The following INSR variants were observed in gnomAD, a reference collection of about 807,000 sequenced individuals.
INSR encodes insulin receptor, also known as IR.
A neutral mutation model predicts 142.6 loss-of-function variants in INSR; 67 were observed. The ratio of observed to expected loss-of-function variants is 0.47; its 90% CI spans 0.39 to 0.58. INSR has a LOEUF of 0.58. Among genes scored for constraint, INSR ranks in the 20% least tolerant of loss-of-function variants. The probability of loss-of-function intolerance (pLI) is 0.00; values close to 1 mark genes in which losing one functional copy is unlikely to be tolerated. For synonymous variants in INSR, 756 were observed against 743.1 expected, an observed-to-expected ratio of 1.02 and a Z score of -0.28; for missense variants, 1,248 against 1,833.2, an observed-to-expected ratio of 0.68 and a Z score of 5.83.
At chr19:7,162,510 C>CAA (rs34535970) in intron 9 of INSR, among the ~76,000 whole-genome samples, 22 of 118,178 alleles carry the variant, frequency 1.9e-4, no homozygotes, top group African/African-American at 6.5e-4. Context: ...GACCCTGTCT[C>CAA]AAAAAAAAAA....
At chr19:7,135,090 T>TA (rs5826960) in intron 13 of INSR, among the ~76,000 whole-genome samples, 58,690 of 78,348 alleles carry the variant, frequency 0.75, 22,996 homozygotes, top group Non-Finnish European at 0.86. Flanking sequence ...AAAGAAATGT[T>TA]AAAAAAAAAA....
At chr19:7,236,885 G>A (rs1037295140) in intron 2 of INSR, among the ~76,000 whole-genome samples, 8 of 152,008 alleles carry the variant, frequency 5.3e-5, no homozygotes, top group Non-Finnish European at 1.0e-4. Context: ...AAATTAGCCA[G>A]GCATGGTGGC....
chr19:7,237,658 T>C (rs1976203014), intron 2 of INSR, among the ~76,000 whole-genome samples: 1 of 149,256 alleles, frequency 6.7e-6, no homozygotes, highest in Admixed American at 6.7e-5. Flanking sequence ...TATTTAAAAA[T>C]ACAAAAAATT....
intron 2 of INSR, among the ~76,000 whole-genome samples, chr19:7,236,891 G>A (rs1976174242): frequency 6.6e-6 from 1 of 152,000 alleles, no homozygotes; most frequent in Non-Finnish European, 1.5e-5. Flanking sequence ...GCCAGGCATG[G>A]TGGCAGGCGC....
chr19:7,252,966 T>G (rs1016613012), intron 2 of INSR, among the ~76,000 whole-genome samples: 1 of 151,764 alleles, frequency 6.6e-6, no homozygotes, highest in African/African-American at 2.4e-5. Context: ...TACAAAAAAA[T>G]TAGCCGGGCG....
At chr19:7,190,645 C>T (rs1974557170) in intron 2 of INSR, among the ~76,000 whole-genome samples, 1 of 152,132 alleles carries the variant, frequency 6.6e-6, no homozygotes, top group African/African-American at 2.4e-5. Flanking sequence ...GCTGGGATTA[C>T]AGGCGTGAGC....
intron 2 of INSR, among the ~76,000 whole-genome samples, chr19:7,198,791 G>A (rs1344186341): frequency 6.6e-6 from 1 of 152,110 alleles, no homozygotes; most frequent in Non-Finnish European, 1.5e-5. Context: ...CCAGTATTCC[G>A]CATGCATTTG....
At chr19:7,172,191 C>T in intron 5 of INSR, 99 bp downstream of exon 5, 1 of 1,284,442 alleles carries the variant, frequency 7.8e-7, no homozygotes, top group Non-Finnish European at 1.1e-6. Context: ...GGATTACAGG[C>T]ATCAGCCACC....
At chr19:7,178,487 G>A (rs1247185280) in intron 3 of INSR, among the ~76,000 whole-genome samples, 2 of 152,178 alleles carry the variant, frequency 1.3e-5, no homozygotes, top group Non-Finnish European at 2.9e-5. Context: ...TTGGGAGGCT[G>A]AGGCAGGTGA....
chr19:7,151,255 T>G (rs1599910001), intron 10 of INSR, among the ~76,000 whole-genome samples: 1 of 148,196 alleles, frequency 6.7e-6, no homozygotes, highest in African/African-American at 2.5e-5. Context: ...CCTCCCTCCA[T>G]TCCTTTCTTT....
intron 14 of INSR, among the ~76,000 whole-genome samples, chr19:7,130,899 G>C (rs1972761662): frequency 7.0e-6 from 1 of 143,794 alleles, no homozygotes; most frequent in South Asian, 2.2e-4. Context: ...TATTTTTTGA[G>C]ACAGAGTCTC....
intron 11 of INSR, among the ~76,000 whole-genome samples, chr19:7,143,377 C>T (rs1292356849): frequency 1.3e-5 from 2 of 152,058 alleles, no homozygotes; most frequent in African/African-American, 2.4e-5. Context: ...TCGACATGCT[C>T]GATTTCAGGT....
At chr19:7,217,922 T>C (rs1475089516) in intron 2 of INSR, among the ~76,000 whole-genome samples, 1 of 152,158 alleles carries the variant, frequency 6.6e-6, no homozygotes, top group Non-Finnish European at 1.5e-5. Context: ...AAAGTTCTCA[T>C]GTACCCATCA....
Sources: allele counts gnomAD v4.1 joint callset (sites outside exome capture counted in the v4.1 genomes callset), GRCh38; gene constraint gnomAD v4.1.1; transcripts MANE v1.5; gene names NCBI Gene and HGNC (gene_info 2026-07-23, HGNC 2026-07-21).